Variants in PIGL observed in about 807,000 individuals in gnomAD.
The protein encoded by PIGL is N-acetylglucosaminyl-phosphatidylinositol de-N-acetylase.
Under a neutral mutation model 31.1 loss-of-function variants are expected in PIGL, and 22 were observed. That is an observed-to-expected ratio of 0.71 (90% confidence interval 0.51 to 1.01). PIGL has a LOEUF of 1.01. Ranked by LOEUF, PIGL falls within the 50% of genes least tolerant of loss-of-function variation. The pLI, the probability that PIGL is intolerant of heterozygous loss-of-function variation, is 0.00. For missense variants in PIGL, 302 were observed against 315.9 expected (o/e 0.96, Z 0.33); for synonymous variants, 131 against 117.4 (o/e 1.12, Z -0.75).
At chr17:16,312,187 C>A (rs1212979640) in intron 3 of PIGL, among the ~76,000 whole-genome samples, 1 of 150,950 alleles carries the variant, frequency 6.6e-6, no homozygotes, top group Non-Finnish European at 1.5e-5. Flanking sequence ...GGCGGAGACG[C>A]TCCTCACTTC....
At chr17:16,221,634 G>GT (rs1213728078) in intron 1 of PIGL, among the ~76,000 whole-genome samples, 3 of 151,024 alleles carry the variant, frequency 2.0e-5, no homozygotes, top group African/African-American at 7.3e-5. Flanking sequence ...TTTTGTTTTT[G>GT]TTTTGTTTTG....
At chr17:16,285,422 T>C (rs2092933273) in intron 2 of PIGL, among the ~76,000 whole-genome samples, 1 of 151,558 alleles carries the variant, frequency 6.6e-6, no homozygotes. Flanking sequence ...CCATTTCTAC[T>C]AAAACTACAA....
chr17:16,243,939 G>A (rs900768108), intron 2 of PIGL, among the ~76,000 whole-genome samples: 1 of 152,198 alleles, frequency 6.6e-6, no homozygotes, highest in Admixed American at 6.5e-5. Flanking sequence ...GAGTTTTTAA[G>A]CATAATGTGG....
chr17:16,283,460 C>A (rs1164239058), intron 2 of PIGL, among the ~76,000 whole-genome samples: 3 of 151,756 alleles, frequency 2.0e-5, no homozygotes, highest in Non-Finnish European at 4.4e-5. Context: ...AGAGCAAGAC[C>A]CTATTTCAAA....
At chr17:16,264,010 AT>A (rs58866950) in intron 2 of PIGL, among the ~76,000 whole-genome samples, 33,774 of 42,802 alleles carry the variant, frequency 0.79, 13,307 homozygotes, top group South Asian at 0.85. Context: ...CTCCTGGCTG[AT>A]TTTTTTTTTT....
chr17:16,227,615 T>G (rs530578088), intron 1 of PIGL, among the ~76,000 whole-genome samples: 23 of 136,082 alleles, frequency 1.7e-4, no homozygotes, highest in Middle Eastern at 4.3e-3. Flanking sequence ...AGTTTCACTC[T>G]TGTTGCCCAG....
chr17:16,245,814 A>ATTT (rs1198422495), intron 2 of PIGL, among the ~76,000 whole-genome samples: 90 of 103,102 alleles, frequency 8.7e-4, no homozygotes, highest in African/African-American at 4.2e-3. Context: ...ACATATATAT[A>ATTT]TATATATTTT....
chr17:16,326,304 C>T lies in PIGL; in HGVS notation c.*406C>T, dbSNP rs1236297114. 1.1e-5 allele frequency: 2 copies of T among 174,424 alleles called. No homozygotes were observed. The highest frequency in any genetic ancestry group is 2.4e-5 in the Non-Finnish European group (2 of 82,272). The allele number at this position is 174,424 out of a possible 1,614,324, so 10.8% of individuals were successfully genotyped here. ...GTTTCCAAAGCAGGTTCACCAAAAA[C>T]ACATACACAAAATGCAACAGTGTGT... On this transcript the variant is annotated 3_prime_UTR_variant, in exon 7 of 7. Transcript: ENST00000225609.
intron 2 of PIGL, among the ~76,000 whole-genome samples, chr17:16,293,534 G>GA (rs1419640938): frequency 7.9e-5 from 12 of 151,494 alleles, no homozygotes; most frequent in East Asian, 5.8e-4. Context: ...TCTCAAAAAA[G>GA]AAAAAAAAAT....
intron 2 of PIGL, among the ~76,000 whole-genome samples, chr17:16,241,324 C>G (rs1181300332): frequency 6.6e-6 from 1 of 151,520 alleles, no homozygotes; most frequent in African/African-American, 2.4e-5. Context: ...TGCAGTGGCT[C>G]AGGCCTGTAA....
At chr17:16,273,493 A>G (rs1008476857) in intron 2 of PIGL, among the ~76,000 whole-genome samples, 2 of 152,220 alleles carry the variant, frequency 1.3e-5, no homozygotes, top group African/African-American at 4.8e-5. Context: ...TTCATTTTAG[A>G]AAGACTTCTT....
At chr17:16,308,054 G>A (rs1167862784) in intron 3 of PIGL, among the ~76,000 whole-genome samples, 1 of 152,074 alleles carries the variant, frequency 6.6e-6, no homozygotes, top group African/African-American at 2.4e-5. Flanking sequence ...AAAGCACAAG[G>A]CTGGGTGCAG....
chr17:16,268,069 AG>A (rs1414293921), intron 2 of PIGL, among the ~76,000 whole-genome samples: 3 of 152,180 alleles, frequency 2.0e-5, no homozygotes, highest in Non-Finnish European at 2.9e-5. Flanking sequence ...ATGGAGCACA[AG>A]GGGAAGTTCA....
At chr17:16,316,849 C>A in intron 5 of PIGL, 137 bp downstream of exon 5, 1 of 1,481,774 alleles carries the variant, frequency 6.7e-7, no homozygotes, top group Admixed American at 2.0e-5. Flanking sequence ...CACACTCTTC[C>A]TGACTCACCT....
Position 16,326,065 on chromosome 17 carries a change from T to G in PIGL, c.*167T>G, listed in dbSNP as rs892499159. The stretch of plus-strand genomic sequence containing the variant: ...GGCCAGGGGCTGTCCAAACTCCAGC[T>G]TCTTCCCCTGGGAAAAAACCCAAAG... On this transcript the variant is annotated 3_prime_UTR_variant, in exon 7 of 7. Coordinates refer to ENST00000225609, the MANE Select transcript of PIGL (RefSeq NM_004278.4). 5 of 570,022 alleles carry G rather than the reference T, an allele frequency of 8.8e-6. No individual in the cohort carries two copies. Among genetic ancestry groups the G allele is most frequent in the Non-Finnish European group, 1.5e-5 (5 of 323,000 alleles). The allele number at this position is 570,022 out of a possible 1,614,324, so 35.3% of individuals were successfully genotyped here. A position where few individuals can be genotyped will look rare whatever the true frequency, so the allele number is the denominator to read the frequency against.
At chr17:16,267,734 A>G (rs1380841069) in intron 2 of PIGL, among the ~76,000 whole-genome samples, 1 of 152,106 alleles carries the variant, frequency 6.6e-6, no homozygotes, top group Non-Finnish European at 1.5e-5. Flanking sequence ...AAAGGAAAGA[A>G]ATTAACCCGA....
At chr17:16,237,318 G>A (rs2092703464) in intron 2 of PIGL, among the ~76,000 whole-genome samples, 1 of 151,572 alleles carries the variant, frequency 6.6e-6, no homozygotes, top group South Asian at 2.1e-4. Context: ...ATGTTGGCCA[G>A]GCTGGTCTTG....
intron 2 of PIGL, among the ~76,000 whole-genome samples, chr17:16,236,215 G>A (rs1047980321): frequency 6.6e-6 from 1 of 152,074 alleles, no homozygotes; most frequent in African/African-American, 2.4e-5. Context: ...ACCTACAGTC[G>A]TGATCTATTG....
At chr17:16,316,547 A>C in intron 4 of PIGL, 134 bp from the exon 5 acceptor site, 1 of 796,592 alleles carries the variant, frequency 1.3e-6, no homozygotes, top group Non-Finnish European at 1.9e-6. Flanking sequence ...ACAGTGATTT[A>C]TGCAAAAGAA....
Sources: allele counts gnomAD v4.1 joint callset (sites outside exome capture counted in the v4.1 genomes callset), GRCh38; gene constraint gnomAD v4.1.1; transcripts MANE v1.5; gene names NCBI Gene and HGNC (gene_info 2026-07-23, HGNC 2026-07-21).